The following LRRC4C variants were observed in gnomAD, a reference collection of about 807,000 sequenced individuals.
LRRC4C encodes the protein leucine rich repeat containing 4C, also known as leucine-rich repeat-containing protein 4C.
LRRC4C carries 5 observed loss-of-function variants against 33.6 expected under a neutral mutation model. The observed-to-expected ratio is 0.15, with a 90% CI of 0.08 to 0.31. The LOEUF (loss-of-function observed/expected upper bound fraction) is 0.31. Ranked by LOEUF, LRRC4C falls within the 10% of genes least tolerant of loss-of-function variation. The pLI is 1.00. For missense variants in LRRC4C, 560 were observed against 796.7 expected (o/e 0.70, Z 3.58); for synonymous variants, 329 against 302.0 (o/e 1.09, Z -0.93).
chr11:40,856,019 T>G lies in LRRC4C; in HGVS notation c.-407+77616A>C, dbSNP rs148857836. On this transcript the variant is annotated intron_variant, in intron 2 of 6. Transcript: ENST00000528697. Reference sequence around the variant, plus strand: ...AGGAACAAAGACAGTTTTATCTTAATTTTTTACTTTTTCTTTCTGTGGTAA... The same window carrying G: ...AGGAACAAAGACAGTTTTATCTTAAGTTTTTACTTTTTCTTTCTGTGGTAA... Among the ~76,000 whole-genome samples the G allele has an allele frequency of 5.5e-4, 83 of 152,198 alleles. No individual in the cohort carries two copies. The East Asian group carries it at 0.016, about 29-fold the overall frequency.
chr11:41,291,204 T>G (rs754331973), intron 1 of LRRC4C, among the ~76,000 whole-genome samples: 1 of 152,144 alleles, frequency 6.6e-6, no homozygotes, highest in Non-Finnish European at 1.5e-5. Flanking sequence ...ATTCAAGAGA[T>G]AAGATTCACC....
At chr11:40,516,548 G>C (rs1215426283) in intron 3 of LRRC4C, among the ~76,000 whole-genome samples, 2 of 152,080 alleles carry the variant, frequency 1.3e-5, no homozygotes, top group Non-Finnish European at 2.9e-5. Context: ...TTCTAAAGAA[G>C]GAGATGGTAG....
At chr11:40,314,580 G>A (rs1945482506) in intron 4 of LRRC4C, among the ~76,000 whole-genome samples, 1 of 152,068 alleles carries the variant, frequency 6.6e-6, no homozygotes, top group African/African-American at 2.4e-5. Context: ...TCAGCATAAG[G>A]AAGAGACATC....
chr11:41,098,534 G>A (rs1565381178), intron 1 of LRRC4C, among the ~76,000 whole-genome samples: 1 of 152,074 alleles, frequency 6.6e-6, no homozygotes, highest in Non-Finnish European at 1.5e-5. Flanking sequence ...AACACTAGGA[G>A]TAAACATTCC....
intron 4 of LRRC4C, among the ~76,000 whole-genome samples, chr11:40,304,515 T>C (rs991069541): frequency 6.6e-6 from 1 of 152,146 alleles, no homozygotes; most frequent in Non-Finnish European, 1.5e-5. Context: ...AAACGAAATA[T>C]TAACTAATAA....
chr11:40,712,576 C>G (rs1242936176), intron 2 of LRRC4C, among the ~76,000 whole-genome samples: 1 of 152,010 alleles, frequency 6.6e-6, no homozygotes, highest in Non-Finnish European at 1.5e-5. Context: ...TACAAGAATG[C>G]TGACCCATGT....
intron 1 of LRRC4C, among the ~76,000 whole-genome samples, chr11:41,272,477 T>C (rs1000476991): frequency 6.6e-6 from 1 of 152,118 alleles, no homozygotes; most frequent in African/African-American, 2.4e-5. Flanking sequence ...GGTGCCTCAG[T>C]CAGGAGAATT....
chr11:40,838,382 G>T (rs528407542), intron 2 of LRRC4C, among the ~76,000 whole-genome samples: 1 of 152,202 alleles, frequency 6.6e-6, no homozygotes, highest in South Asian at 2.1e-4. Context: ...CTTCTTCTGG[G>T]ATCTGGCCAT....
At chr11:41,231,771 A>ATG (rs753012785) in intron 1 of LRRC4C, among the ~76,000 whole-genome samples, 19 of 151,648 alleles carry the variant, frequency 1.3e-4, no homozygotes, top group East Asian at 9.7e-4. Context: ...TAATATATAT[A>ATG]TGTGTGTGTG....
chr11:41,443,379 C>A (rs1033688896), intron 1 of LRRC4C, among the ~76,000 whole-genome samples: 2 of 151,954 alleles, frequency 1.3e-5, no homozygotes, highest in Non-Finnish European at 2.9e-5. Flanking sequence ...CCTGGTGGTG[C>A]ATGCCTGTAG....
intron 1 of LRRC4C, among the ~76,000 whole-genome samples, chr11:41,288,383 T>G (rs983601134): frequency 2.0e-5 from 3 of 152,146 alleles, no homozygotes; most frequent in Non-Finnish European, 4.4e-5. Flanking sequence ...TCAAACAATC[T>G]TTCTGAGTAA....
intron 1 of LRRC4C, among the ~76,000 whole-genome samples, chr11:40,969,006 C>T (rs1394297656): frequency 1.3e-5 from 2 of 152,192 alleles, no homozygotes; most frequent in South Asian, 2.1e-4. Context: ...GGAGAGCACA[C>T]TGAAAATCTT....
chr11:40,604,393 T>G (rs1591250982), intron 3 of LRRC4C, among the ~76,000 whole-genome samples: 1 of 152,264 alleles, frequency 6.6e-6, no homozygotes, highest in African/African-American at 2.4e-5. Flanking sequence ...CTTACTTACA[T>G]TTCTTCTCTT....
chr11:40,266,482 A>G (rs774848953), intron 4 of LRRC4C, among the ~76,000 whole-genome samples: 26 of 152,212 alleles, frequency 1.7e-4, no homozygotes, highest in Non-Finnish European at 3.2e-4. Flanking sequence ...CGACAACACA[A>G]AAAAAGGAAT....
At chr11:41,393,955 T>G (rs1313390654) in intron 1 of LRRC4C, among the ~76,000 whole-genome samples, 1 of 152,100 alleles carries the variant, frequency 6.6e-6, no homozygotes, top group Admixed American at 6.6e-5. Context: ...AGTGATAATT[T>G]TTTTTAAGTA....
intron 1 of LRRC4C, among the ~76,000 whole-genome samples, chr11:41,227,629 A>G (rs1379671180): frequency 6.6e-6 from 1 of 152,090 alleles, no homozygotes; most frequent in African/African-American, 2.4e-5. Flanking sequence ...CCTCCCAAGT[A>G]GCTGGGACTA....
chr11:41,080,513 G>C (rs564446306), intron 1 of LRRC4C, among the ~76,000 whole-genome samples: 2 of 151,782 alleles, frequency 1.3e-5, no homozygotes, highest in Non-Finnish European at 1.5e-5. Context: ...CACTATGCCC[G>C]GCAAATTTTT....
chr11:40,862,653 C>G (rs76199771), intron 2 of LRRC4C, among the ~76,000 whole-genome samples: 16,107 of 152,118 alleles, frequency 0.11, 957 homozygotes, highest in Admixed American at 0.18. Flanking sequence ...AGAGATAGTT[C>G]TCTATATTAC....
chr11:40,527,117 G>A (rs1003260649), intron 3 of LRRC4C, among the ~76,000 whole-genome samples: 2 of 152,066 alleles, frequency 1.3e-5, no homozygotes, highest in Non-Finnish European at 2.9e-5. Context: ...CTGCAATGGG[G>A]GTGAGGGGAT....
Sources: gnomAD v4.1 joint callset for allele counts (sites outside exome capture counted in the v4.1 genomes callset) on GRCh38, gnomAD v4.1.1 for gene constraint, MANE v1.5 for transcripts, NCBI Gene and HGNC (gene_info 2026-07-23, HGNC 2026-07-21) for gene names.